Variants in ACOX2 observed in about 807,000 individuals in gnomAD.
ACOX2 encodes acyl-CoA oxidase 2, also known as peroxisomal acyl-coenzyme A oxidase 2.
ACOX2 carries 59 observed loss-of-function variants against 77.5 expected under a neutral mutation model. That is an observed-to-expected ratio of 0.76 (90% confidence interval 0.62 to 0.95). The LOEUF is 0.95. ACOX2 is among the 40% of genes least tolerant of loss of function. The probability of loss-of-function intolerance (pLI) is 0.00; values close to 1 mark genes in which losing one functional copy is unlikely to be tolerated. For missense variants in ACOX2, 837 were observed against 880.4 expected (o/e 0.95, Z 0.62); for synonymous variants, 317 against 340.1 (o/e 0.93, Z 0.75).
Position 58,518,188 on chromosome 3 carries a change from G to A in ACOX2, c.1633-765C>T, listed in dbSNP as rs367652538. On this transcript the variant is annotated intron_variant, in intron 12 of 14. Transcript: ENST00000302819. ...CGTGCACATGTGTGCACCATGGGGT[G>A]AGAAAGTTTCAAGATATATATGAAA... 4.6e-5 allele frequency among the ~76,000 whole-genome samples: 7 copies of A among 152,038 alleles called. No homozygotes were observed. In the East Asian group the frequency reaches 9.6e-4, roughly 21 times the overall value.
Position 58,531,623 on chromosome 3 carries a change from G to A in ACOX2, c.703+70C>T, listed in dbSNP as rs763963062. The A allele has an allele frequency of 5.1e-6, 8 of 1,575,326 alleles. No homozygotes were observed. The highest frequency in any genetic ancestry group is 6.9e-6 in the Non-Finnish European group (8 of 1,161,524). ...TTAGCTACTCCTGTGGCCCTCTGGG[G>A]CCCCAGGTCAGGGAGGCCACCTGGG... On this transcript the variant is annotated intron_variant, in intron 6 of 14. Transcript: ENST00000302819. The surrounding 1 kb of genome is among the most constrained non-coding windows in gnomAD (Gnocchi z 5.8).
chr3:58,506,355 C>T (rs988461678), intron 14 of ACOX2, among the ~76,000 whole-genome samples: 1 of 152,194 alleles, frequency 6.6e-6, no homozygotes, highest in African/African-American at 2.4e-5. Context: ...TCAACGCTGC[C>T]CCAGACAGAA....
rs1282353456 is a variant in ACOX2 at position 58,531,858 on chromosome 3, T to C, written c.584-46A>G. ...GGCCCGTCACAGGAAGACCTGTGCA[T>C]TGCTTTTCCCAACCAACCCAGCCTC... On this transcript the variant is annotated intron_variant, in intron 5 of 14. Coordinates refer to ENST00000302819, the MANE Select transcript of ACOX2 (RefSeq NM_003500.4). This position sits in a 1 kb window ranked among gnomAD's most constrained non-coding sequence, Gnocchi z 5.8. The C allele has an allele frequency of 6.4e-7, 1 of 1,573,926 alleles. No individual in the cohort carries two copies. Among genetic ancestry groups the C allele is most frequent in the Admixed American group, 1.8e-5 (1 of 55,004 alleles).
intron 7 of ACOX2, 151 bp from the exon 8 acceptor site, chr3:58,530,789 C>T (rs2063432980): frequency 1.9e-6 from 2 of 1,051,360 alleles, no homozygotes; most frequent in Non-Finnish European, 2.7e-6. Flanking sequence ...AGGCCATTTC[C>T]CCAAGTGCCC....
rs1013084582 is a variant in ACOX2 at position 58,523,614 on chromosome 3, A to T, written c.1526+812T>A. ...GTTTCCTTTTTATTTTTTTATTAAA[A>T]TTTTTTGTATTTTTGGTAGAGGTGG... On this transcript the variant is annotated intron_variant, in intron 11 of 14. Coordinates refer to ENST00000302819, the MANE Select transcript of ACOX2 (RefSeq NM_003500.4). This position sits in a 1 kb window ranked among gnomAD's most constrained non-coding sequence, Gnocchi z 5.3. 5.3e-5 allele frequency among the ~76,000 whole-genome samples: 8 copies of T among 151,620 alleles called. No homozygotes were observed. The highest frequency in any genetic ancestry group is 1.3e-4 in the Admixed American group (2 of 15,212).
chr3:58,524,660 A>G lies in ACOX2; in HGVS notation c.1347-55T>C. On this transcript the variant is annotated intron_variant, in intron 10 of 14. Transcript: ENST00000302819. This position sits in a 1 kb window ranked among gnomAD's most constrained non-coding sequence, Gnocchi z 5.5. ...GGGCAGAGACTCTGTGAGACAGCCC[A>G]GCACCCCTCACTCCCAGAGACAGGC... is the stretch of plus-strand genomic sequence containing the variant. 6.4e-7 allele frequency: 1 copy of G among 1,550,504 alleles called. No homozygotes were observed. Among genetic ancestry groups the G allele is most frequent in the Non-Finnish European group, 8.8e-7 (1 of 1,135,588 alleles).
At position 58,525,548 on chromosome 3, in the gene ACOX2, G is replaced by A. The variant is rs1030686122; in HGVS notation, c.1346+918C>T. On this transcript the variant is annotated intron_variant, in intron 10 of 14. Coordinates refer to ENST00000302819, the MANE Select transcript of ACOX2 (RefSeq NM_003500.4). This position sits in a 1 kb window ranked among gnomAD's most constrained non-coding sequence, Gnocchi z 5.0. ...AGGCGATGCTAAAGCGAGCAAGGTA[G>A]GGGTAGTCCCTGCCCTCAGGGAGCT... 2.0e-5 allele frequency among the ~76,000 whole-genome samples: 3 copies of A among 152,232 alleles called. No individual in the cohort carries two copies. The highest frequency in any genetic ancestry group is 7.2e-5 in the African/African-American group (3 of 41,468).
chr3:58,534,367 C>T lies in ACOX2; in HGVS notation c.316G>A (p.Ala106Thr), dbSNP rs750156382. Reference protein sequence around the residue: ...WLEDGRELGYAYRALSGDVAL... With the variant: ...WLEDGRELGYTYRALSGDVAL... ...TGCTCGAGGAGTGAGCACCTGTAAGCGTAGCCTAATTCACGACCATCTTCT... is the reference window on the plus strand; with the variant it reads ...TGCTCGAGGAGTGAGCACCTGTAAGTGTAGCCTAATTCACGACCATCTTCT... Residue 106 changes from alanine to threonine, a missense_variant, in exon 3 of 15, where the codon GCT becomes ACT. Physicochemically the swap from Ala to Thr is moderately conservative, Grantham distance 58. Coordinates refer to ENST00000302819, the MANE Select transcript of ACOX2 (RefSeq NM_003500.4). The surrounding 1 kb of genome is among the most constrained non-coding windows in gnomAD (Gnocchi z 4.8). 47 of 1,614,028 alleles carry T rather than the reference C, an allele frequency of 2.9e-5. No homozygotes were observed. The Admixed American group carries it at 3.0e-4, about 10-fold the overall frequency.
In ACOX2 at chr3:58,530,499, G is replaced by A. The variant is rs369258440; in HGVS notation, c.959C>T (p.Ser320Leu). 17 of 1,614,096 alleles carry A rather than the reference G, an allele frequency of 1.1e-5. No homozygotes were observed. Among genetic ancestry groups the A allele is most frequent in the East Asian group, 4.5e-5 (2 of 44,900 alleles). ...QKACVIAMRYSVIRRQSRLRP... is the reference protein window; with the variant it reads ...QKACVIAMRYLVIRRQSRLRP... ...GAGCCGGGATTGGCGGCGGATGACC[G>A]AGTAGCGCATGGCGATGACACAGGC... The change falls in exon 8 of 15, where the codon TCG (serine) becomes TTG (leucine). Residue 320 changes from serine (S) to leucine (L), a missense_variant. By Grantham distance (145) the Ser-to-Leu change is moderately radical. Transcript: ENST00000302819.
rs894345654 is a variant in ACOX2 at position 58,535,892 on chromosome 3, C to T, written c.-91-695G>A. Among the ~76,000 whole-genome samples the T allele has an allele frequency of 6.6e-6, 1 of 152,188 alleles. No homozygotes were observed. The highest frequency in any genetic ancestry group is 1.5e-5 in the Non-Finnish European group (1 of 68,036). ...GCAGTCCATCCTATTTCACAAGTCT[C>T]TTGAGTCCATCTGCTCCTTGCTATC... On this transcript the variant is annotated intron_variant, in intron 1 of 14. Coordinates refer to ENST00000302819, the MANE Select transcript of ACOX2 (RefSeq NM_003500.4). This position sits in a 1 kb window ranked among gnomAD's most constrained non-coding sequence, Gnocchi z 4.8.
At position 58,531,588 on chromosome 3, in the gene ACOX2, G is replaced by A; in HGVS notation, c.703+105C>T. Reference sequence around the variant, plus strand: ...CAACTGGACCGCTCCCTGCCCAAGGGAGACATGTCTTAGCTACTCCTGTGG... The same window carrying A: ...CAACTGGACCGCTCCCTGCCCAAGGAAGACATGTCTTAGCTACTCCTGTGG... On this transcript the variant is annotated intron_variant, in intron 6 of 14. Coordinates refer to ENST00000302819, the MANE Select transcript of ACOX2 (RefSeq NM_003500.4). This position sits in a 1 kb window ranked among gnomAD's most constrained non-coding sequence, Gnocchi z 5.8. The A allele has an allele frequency of 2.7e-6, 4 of 1,508,290 alleles. No homozygotes were observed. The highest frequency in any genetic ancestry group is 2.7e-6 in the Non-Finnish European group (3 of 1,117,704). 93.4% of individuals were successfully genotyped at this position (1,508,290 alleles called of 1,614,324 possible).
chr3:58,507,451 C>T (rs1357129391), intron 14 of ACOX2, among the ~76,000 whole-genome samples: 1 of 152,170 alleles, frequency 6.6e-6, no homozygotes, highest in Admixed American at 6.5e-5. Context: ...AATATTAAAA[C>T]CAACTAAAAC....
rs763181423 is a variant in ACOX2 at position 58,528,570 on chromosome 3, T to A, written c.1155+224A>T. 5.9e-5 allele frequency among the ~76,000 whole-genome samples: 9 copies of A among 152,056 alleles called. No homozygotes were observed. The highest frequency in any genetic ancestry group is 1.2e-4 in the Non-Finnish European group (8 of 68,022). On this transcript the variant is annotated intron_variant, in intron 9 of 14. Transcript: ENST00000302819. This position sits in a 1 kb window ranked among gnomAD's most constrained non-coding sequence, Gnocchi z 5.6. Reference sequence around the variant, plus strand: ...GTGGACCTGTGTTCTCTACGCTAGGTGTGATTGTTTTCTCTTAGTATGTTT... The same window carrying A: ...GTGGACCTGTGTTCTCTACGCTAGGAGTGATTGTTTTCTCTTAGTATGTTT...
chr3:58,525,099 C>T lies in ACOX2; in HGVS notation c.1347-494G>A, dbSNP rs2063385172. Among the ~76,000 whole-genome samples, 1 of 152,196 alleles carries T rather than the reference C, an allele frequency of 6.6e-6. No homozygotes were observed. ...GATTCCCATACAGCCTCGCCGAGACCTGTGTGATGAAAGAAGCTTCACCTC... is the reference window on the plus strand; with the variant it reads ...GATTCCCATACAGCCTCGCCGAGACTTGTGTGATGAAAGAAGCTTCACCTC... On this transcript the variant is annotated intron_variant, in intron 10 of 14. Coordinates refer to ENST00000302819, the MANE Select transcript of ACOX2 (RefSeq NM_003500.4). The surrounding 1 kb of genome is among the most constrained non-coding windows in gnomAD (Gnocchi z 5.0).
At position 58,535,283 on chromosome 3, in the gene ACOX2, C is replaced by A; in HGVS notation, c.-91-86G>T. Reference sequence around the variant, plus strand: ...GACATCCCTAAGTACCTGAATGCCACTCCACCTCCCCACTCCCCCTGTGGA... The same window carrying A: ...GACATCCCTAAGTACCTGAATGCCAATCCACCTCCCCACTCCCCCTGTGGA... On this transcript the variant is annotated intron_variant, in intron 1 of 14. Transcript: ENST00000302819. The surrounding 1 kb of genome is among the most constrained non-coding windows in gnomAD (Gnocchi z 4.8). 1 of 686,842 alleles carries A rather than the reference C, an allele frequency of 1.5e-6. No homozygotes were observed. The highest frequency in any genetic ancestry group is 2.6e-5 in the East Asian group (1 of 37,900). The allele number at this position is 686,842 out of a possible 1,614,324, so 42.5% of individuals were successfully genotyped here.
chr3:58,533,979 G>A lies in ACOX2; in HGVS notation c.475+15C>T, dbSNP rs747399660. The A allele has an allele frequency of 5.6e-6, 9 of 1,613,784 alleles. No individual in the cohort carries two copies. The South Asian group carries it at 7.7e-5, about 14-fold the overall frequency. On this transcript the variant is annotated intron_variant, in intron 4 of 14. Transcript: ENST00000302819. The surrounding 1 kb of genome is among the most constrained non-coding windows in gnomAD (Gnocchi z 5.6). Reference sequence around the variant, plus strand: ...GTGCACAACCTAAACACCACACGCAGCAGTCCTAGCTCACCATGTCCCAAC... The same window carrying A: ...GTGCACAACCTAAACACCACACGCAACAGTCCTAGCTCACCATGTCCCAAC...
chr3:58,510,216 C>T (rs1020266138), intron 13 of ACOX2, among the ~76,000 whole-genome samples: 2 of 152,036 alleles, frequency 1.3e-5, no homozygotes, highest in African/African-American at 2.4e-5. Context: ...CCAATGTAAT[C>T]GTTTCTTGAT....
rs367786827 is a variant in ACOX2 at position 58,535,043 on chromosome 3, T to C, written c.64A>G (p.Ile22Val). ...DTWSRQMHPD[I>V]ESERYMQSFD... ...GACTGCATATACCTCTCGCTCTCTA[T>C]GTCGGGGTGCATTTGCCTGCTCCAG... Residue 22 changes from isoleucine to valine, a missense_variant, in exon 2 of 15, where the codon ATA (isoleucine) becomes GTA (valine). Coordinates refer to ENST00000302819, the MANE Select transcript of ACOX2 (RefSeq NM_003500.4). The surrounding 1 kb of genome is among the most constrained non-coding windows in gnomAD (Gnocchi z 4.8). 2.4e-5 allele frequency: 38 copies of C among 1,614,086 alleles called. No individual in the cohort carries two copies. The highest frequency in any genetic ancestry group is 3.1e-5 in the Non-Finnish European group (37 of 1,180,040).
Position 58,534,030 on chromosome 3 carries a change from T to G in ACOX2, c.439A>C (p.Ile147Leu). The G allele has an allele frequency of 6.2e-7, 1 of 1,614,132 alleles. No individual in the cohort carries two copies. The highest frequency in any genetic ancestry group is 1.1e-5 in the South Asian group (1 of 91,078). ...KWDPLCKNIQ[I>L]IATYAQTELG... is the part of the protein sequence containing the mutation. ...TCTGTCTGTGCATACGTTGCGATGA[T>G]CTGGATGTTTTTGCAGAGTGGGTCC... Residue 147 changes from isoleucine (I) to leucine (L), a missense_variant, in exon 4 of 15, where the codon ATC becomes CTC. Physicochemically the swap from Ile to Leu is conservative, Grantham distance 5 (BLOSUM62 2). Coordinates refer to ENST00000302819, the MANE Select transcript of ACOX2 (RefSeq NM_003500.4). The surrounding 1 kb of genome is among the most constrained non-coding windows in gnomAD (Gnocchi z 4.8).
Sources: gnomAD v4.1 joint callset for allele counts (sites outside exome capture counted in the v4.1 genomes callset) on GRCh38, gnomAD v4.1.1 for gene constraint, Gnocchi (gnomAD v3.1) non-coding constraint, MANE v1.5 for transcripts, NCBI Gene and HGNC (gene_info 2026-07-23, HGNC 2026-07-21) for gene names.